The following RNF111 variants were observed in gnomAD, a reference collection of about 807,000 sequenced individuals.
RNF111 encodes ring finger protein 111, also known as E3 ubiquitin-protein ligase Arkadia.
In RNF111, 17 loss-of-function variants were observed where a neutral mutation model predicts 95.1. That is an observed-to-expected ratio of 0.18 (90% CI 0.12 to 0.27). The LOEUF (loss-of-function observed/expected upper bound fraction) is 0.27. Ranked by LOEUF, RNF111 falls within the 10% of genes least tolerant of loss-of-function variation. The pLI is 1.00. For synonymous variants in RNF111, 440 were observed against 414.8 expected, an observed-to-expected ratio of 1.06 and a Z score of -0.74; for missense variants, 1,189 against 1,210.4, an observed-to-expected ratio of 0.98 and a Z score of 0.26.
rs200747794 is a variant in RNF111, at chr15:59,075,977, C to T, written c.1710C>T (p.Ser570=). 5.5e-5 allele frequency: 89 copies of T among 1,614,114 alleles called. No individual in the cohort carries two copies. Among genetic ancestry groups the T allele is most frequent in the Non-Finnish European group, 6.9e-5 (82 of 1,180,016 alleles). ...AGCAGGCATTGCCAGTGGACCTGAG[C>T]AACAGTGGTATCAGAAGTCATGGAA... ...HEQQALPVDL[S]NSGIRSHGSG... Residue 570 remains serine (S), a synonymous_variant, in exon 7 of 14, where the codon AGC becomes AGT. Coordinates refer to ENST00000348370, the MANE Select transcript of RNF111 (RefSeq NM_017610.8).
chr15:59,031,476 A>T lies in RNF111; in HGVS notation c.654A>T (p.Lys218Asn). The part of the protein sequence containing the change: ...RRLPCRKRFV[K>N]NNSSQRTQKQ... ...TTCCATGCAGAAAGAGATTTGTAAA[A>T]AATAATTCCTCACAGAGGACACAGA... The change falls in exon 2 of 14, where the codon AAA (lysine) becomes AAT (asparagine). Residue 218 changes from lysine to asparagine, a missense_variant. Lys to Asn is a moderately conservative substitution (Grantham distance 94). This residue lies in a region of RNF111 where 1,024 missense variants were observed against 925.9 expected (regional missense o/e 1.11). Transcript: ENST00000348370. The T allele has an allele frequency of 6.2e-7, 1 of 1,614,224 alleles. No individual in the cohort carries two copies. The highest frequency in any genetic ancestry group is 1.1e-5 in the South Asian group (1 of 91,080).
chr15:59,064,003 A>G (rs935336792), intron 5 of RNF111, among the ~76,000 whole-genome samples: 5 of 152,196 alleles, frequency 3.3e-5, no homozygotes, highest in Admixed American at 6.5e-5. Context: ...AAACCCTGAA[A>G]ATGCTGTAGC....
At chr15:59,047,885 A>G (rs576702814) in intron 2 of RNF111, among the ~76,000 whole-genome samples, 1 of 152,320 alleles carries the variant, frequency 6.6e-6, no homozygotes, top group East Asian at 1.9e-4. Context: ...TACTTATTTT[A>G]GAAATGGTTA....
At position 59,067,054 on chromosome 15, in the gene RNF111, A is replaced by G. The variant is rs2042688197; in HGVS notation, c.1657A>G (p.Ser553Gly). 3 of 1,613,884 alleles carry G rather than the reference A, an allele frequency of 1.9e-6. No homozygotes were observed. Among genetic ancestry groups the G allele is most frequent in the Non-Finnish European group, 2.5e-6 (3 of 1,179,996 alleles). Residue 553 changes from serine to glycine, a missense_variant, in exon 6 of 14, where the codon AGT becomes GGT. Ser to Gly is a moderately conservative substitution (Grantham distance 56, BLOSUM62 0). Coordinates refer to ENST00000348370, the MANE Select transcript of RNF111 (RefSeq NM_017610.8). ...PQVQAPCGAN[S>G]SSGTSYHEQQ... ...AGTACAAGCACCTTGTGGAGCAAAT[A>G]GTAGTTCTGGTACCAGCTATCATGA...
At chr15:59,053,578 A>G (rs191301384) in intron 3 of RNF111, among the ~76,000 whole-genome samples, 7 of 152,358 alleles carry the variant, frequency 4.6e-5, no homozygotes, top group Admixed American at 2.0e-4. Context: ...TGAGCATTCT[A>G]TAACATATAC....
chr15:59,062,551 G>C (rs1256645561), intron 5 of RNF111, among the ~76,000 whole-genome samples: 1 of 152,220 alleles, frequency 6.6e-6, no homozygotes, highest in African/African-American at 2.4e-5. Context: ...GTTCTAGGCA[G>C]TGGGAACAAA....
At chr15:59,051,855 C>G (rs2042001444) in intron 2 of RNF111, among the ~76,000 whole-genome samples, 1 of 151,882 alleles carries the variant, frequency 6.6e-6, no homozygotes, top group Admixed American at 6.6e-5. Flanking sequence ...TAAAAAGCTA[C>G]AGTGTTTTTT....
chr15:59,046,116 A>T (rs1483550949), intron 2 of RNF111, among the ~76,000 whole-genome samples: 1 of 152,054 alleles, frequency 6.6e-6, no homozygotes, highest in Non-Finnish European at 1.5e-5. Flanking sequence ...AATTTTTAAA[A>T]CGTTTCTGTA....
At chr15:59,073,677 C>T (rs2043044100) in intron 6 of RNF111, among the ~76,000 whole-genome samples, 1 of 152,118 alleles carries the variant, frequency 6.6e-6, no homozygotes, top group South Asian at 2.1e-4. Context: ...GTGCATGAGG[C>T]TTGGAATCCA....
intron 1 of RNF111, among the ~76,000 whole-genome samples, chr15:59,017,838 A>T (rs1447973999): frequency 6.7e-6 from 1 of 148,156 alleles, no homozygotes; most frequent in Admixed American, 6.8e-5. Flanking sequence ...GCTCTCTGCA[A>T]CCTCCACTTC....
intron 6 of RNF111, among the ~76,000 whole-genome samples, chr15:59,069,393 C>G (rs1388684677): frequency 6.6e-6 from 1 of 152,086 alleles, no homozygotes; most frequent in Non-Finnish European, 1.5e-5. Flanking sequence ...ACCAGCTTTT[C>G]CTACATTCAT....
intron 10 of RNF111, 125 bp downstream of exon 10, chr15:59,085,910 T>C: frequency 1.2e-6 from 1 of 849,740 alleles, no homozygotes. Context: ...TCTTGTTAGC[T>C]AAAATTGTGC....
At chr15:59,025,204 T>A (rs561270825) in intron 1 of RNF111, among the ~76,000 whole-genome samples, 1 of 152,258 alleles carries the variant, frequency 6.6e-6, no homozygotes, top group East Asian at 1.9e-4. Context: ...GTTTATCTTA[T>A]AGTTTCATAG....
intron 1 of RNF111, among the ~76,000 whole-genome samples, chr15:58,997,968 G>T (rs953474608): frequency 1.3e-5 from 2 of 151,430 alleles, no homozygotes; most frequent in Non-Finnish European, 2.9e-5. Flanking sequence ...GCAGTGGGGC[G>T]ATCCTGGCTC....
At position 59,089,774 on chromosome 15, in the gene RNF111, A is replaced by C. The variant is rs770789298; in HGVS notation, c.2643+15A>C. 45 of 1,532,534 alleles carry C rather than the reference A, an allele frequency of 2.9e-5. No individual in the cohort carries two copies. Among genetic ancestry groups the C allele is most frequent in the Non-Finnish European group, 2.9e-5 (32 of 1,106,218 alleles). The allele number at this position is 1,532,534 out of a possible 1,614,324, so 94.9% of individuals were successfully genotyped here. ...GCAATTTTGAGGTATGTAATAAAAT[A>C]AATGAATATGTTTGTCACAGTATCT... On this transcript the variant is annotated intron_variant, in intron 11 of 13. Coordinates refer to ENST00000348370, the MANE Select transcript of RNF111 (RefSeq NM_017610.8).
chr15:59,064,527 C>G (rs1281933721), intron 5 of RNF111, among the ~76,000 whole-genome samples: 1 of 99,286 alleles, frequency 1.0e-5, no homozygotes, highest in Non-Finnish European at 1.8e-5. Flanking sequence ...CAGAGCAAGA[C>G]TTTGTCGCAA....
In RNF111 at chr15:59,095,111, C is replaced by A; in HGVS notation, c.*211C>A. ...TAAAAGCTTTTTTTTCTAGATTTGA[C>A]ATTTTTCTGTATCATTTTACTGTAT... On this transcript the variant is annotated 3_prime_UTR_variant, in exon 14 of 14. Transcript: ENST00000348370. 2.2e-6 allele frequency: 1 copy of A among 459,514 alleles called. No individual in the cohort carries two copies. Among genetic ancestry groups the A allele is most frequent in the Admixed American group, 4.2e-5 (1 of 24,052 alleles). The allele number at this position is 459,514 out of a possible 1,614,324, so 28.5% of individuals were successfully genotyped here.
At chr15:59,019,077 C>T (rs1237924901) in intron 1 of RNF111, among the ~76,000 whole-genome samples, 1 of 150,974 alleles carries the variant, frequency 6.6e-6, no homozygotes, top group African/African-American at 2.4e-5. Context: ...GCACGTGCCA[C>T]CACCCTGGCT....
At chr15:59,050,998 A>G (rs2041953113) in intron 2 of RNF111, among the ~76,000 whole-genome samples, 1 of 152,228 alleles carries the variant, frequency 6.6e-6, no homozygotes, top group African/African-American at 2.4e-5. Context: ...GATTCTATTT[A>G]TATAATCTTA....
Sources: gnomAD v4.1 joint callset for allele counts (sites outside exome capture counted in the v4.1 genomes callset) on GRCh38, gnomAD v4.1.1 for gene constraint, gnomAD v4.1.1 regional missense constraint, MANE v1.5 for transcripts, NCBI Gene and HGNC (gene_info 2026-07-23, HGNC 2026-07-21) for gene names.